PRKN: variants seen among roughly 807,000 people sequenced by gnomAD.
PRKN encodes the protein parkin RBR E3 ubiquitin protein ligase, also known as E3 ubiquitin-protein ligase parkin.
PRKN carries 56 observed loss-of-function variants against 59.5 expected under a neutral mutation model. The ratio of observed to expected loss-of-function variants is 0.94; its 90% CI spans 0.76 to 1.18. PRKN has a LOEUF of 1.18. Among genes scored for constraint, PRKN ranks in the 50% most tolerant of loss-of-function variants. The pLI is 0.00. For missense variants in PRKN, 657 were observed against 596.4 expected (o/e 1.10, Z -1.06); for synonymous variants, 250 against 222.1 (o/e 1.13, Z -1.12).
intron 3 of PRKN, among the ~76,000 whole-genome samples, chr6:162,256,637 T>A (rs1384125655): frequency 1.3e-5 from 2 of 151,946 alleles, no homozygotes; most frequent in African/African-American, 2.4e-5. Flanking sequence ...ATATGGGCAG[T>A]GTCCTCTGAA....
At chr6:162,388,085 G>A (rs555765512) in intron 2 of PRKN, among the ~76,000 whole-genome samples, 32 of 152,272 alleles carry the variant, frequency 2.1e-4, no homozygotes, top group Admixed American at 1.8e-3. Context: ...TGACTGGGGT[G>A]TTATTTTAGG....
chr6:162,418,073 T>C (rs1275768601), intron 2 of PRKN, among the ~76,000 whole-genome samples: 1 of 152,160 alleles, frequency 6.6e-6, no homozygotes, highest in Non-Finnish European at 1.5e-5. Context: ...CATGGTAGCA[T>C]CATTCACGAT....
chr6:161,590,831 G>C (rs892187113), intron 7 of PRKN, among the ~76,000 whole-genome samples: 1 of 151,970 alleles, frequency 6.6e-6, no homozygotes, highest in Non-Finnish European at 1.5e-5. Flanking sequence ...ACTGTCCTGC[G>C]CTCATAAAAA....
chr6:162,512,479 T>C, intron 1 of PRKN, among the ~76,000 whole-genome samples: 1 of 152,230 alleles, frequency 6.6e-6, no homozygotes, highest in East Asian at 1.9e-4. Flanking sequence ...CAAGGGAGAA[T>C]TCCCCTTATA....
In PRKN at chr6:161,588,112, G is replaced by A. The variant is rs1414158289; in HGVS notation, c.872-18696C>T. ...AAATTTACTCTATGGGGGGCTGGGC[G>A]CGGTGGCTCATGCCTGTAATCCCAG... On this transcript the variant is annotated intron_variant, in intron 7 of 11. Transcript: ENST00000366898. The surrounding 1 kb of genome is among the most constrained non-coding windows in gnomAD (Gnocchi z 5.0). 4.6e-5 allele frequency among the ~76,000 whole-genome samples: 7 copies of A among 152,006 alleles called. No homozygotes were observed. The highest frequency in any genetic ancestry group is 2.1e-4 in the South Asian group (1 of 4,814).
chr6:161,524,316 T>A (rs1268317447), intron 9 of PRKN, among the ~76,000 whole-genome samples: 2 of 152,190 alleles, frequency 1.3e-5, no homozygotes, highest in Non-Finnish European at 2.9e-5. Flanking sequence ...GTTTTGTGTA[T>A]CTATAGGAAG....
intron 6 of PRKN, among the ~76,000 whole-genome samples, chr6:161,793,931 G>A (rs1252356032): frequency 6.6e-6 from 1 of 152,002 alleles, no homozygotes; most frequent in East Asian, 1.9e-4. Flanking sequence ...ATCCCATCTG[G>A]GGTATTCAAT....
chr6:161,567,022 G>GTTTTTTTT (rs71917520), intron 8 of PRKN, among the ~76,000 whole-genome samples: 1 of 87,108 alleles, frequency 1.1e-5, no homozygotes, highest in African/African-American at 5.0e-5. Flanking sequence ...CACTGTCCTT[G>GTTTTTTTT]TTTTTTTTTT....
intron 6 of PRKN, among the ~76,000 whole-genome samples, chr6:161,912,327 C>T (rs912583455): frequency 9.9e-5 from 15 of 152,026 alleles, no homozygotes; most frequent in African/African-American, 1.7e-4. Flanking sequence ...TCTATGGCAA[C>T]GTAACAAAAG....
chr6:161,884,368 C>T (rs1795054419), intron 6 of PRKN, among the ~76,000 whole-genome samples: 1 of 152,110 alleles, frequency 6.6e-6, no homozygotes, highest in South Asian at 2.1e-4. Flanking sequence ...CACAGCAGAC[C>T]ACTGCTATGA....
At chr6:161,521,324 C>G (rs1370479417) in intron 9 of PRKN, among the ~76,000 whole-genome samples, 1 of 152,158 alleles carries the variant, frequency 6.6e-6, no homozygotes, top group East Asian at 1.9e-4. Flanking sequence ...GAATTTGTTG[C>G]TCATCCATTG....
intron 9 of PRKN, among the ~76,000 whole-genome samples, chr6:161,493,576 C>A (rs16892626): frequency 0.059 from 8,937 of 152,190 alleles, 311 homozygotes; most frequent in African/African-American, 0.087. Flanking sequence ...GGGGTTGCAG[C>A]ACAGAGTCGC....
rs1237877039 is a variant in PRKN, at chr6:161,484,285, G to A, written c.1083+64569C>T. ...GGCCATTTTCTGAACTCCTATAACT[G>A]GCTTTTGAACCAAAGTCCTCTTGGA... On this transcript the variant is annotated intron_variant, in intron 9 of 11. Coordinates refer to ENST00000366898, the MANE Select transcript of PRKN (RefSeq NM_004562.3). The surrounding 1 kb of genome is among the most constrained non-coding windows in gnomAD (Gnocchi z 4.9). Among the ~76,000 whole-genome samples, 2 of 152,068 alleles carry A rather than the reference G, an allele frequency of 1.3e-5. No homozygotes were observed. Among genetic ancestry groups the A allele is most frequent in the African/African-American group, 2.4e-5 (1 of 41,384 alleles).
intron 7 of PRKN, among the ~76,000 whole-genome samples, chr6:161,766,604 C>A (rs186145203): frequency 6.6e-6 from 1 of 152,194 alleles, no homozygotes; most frequent in African/African-American, 2.4e-5. Flanking sequence ...GACAACCCCT[C>A]CCCACGGTTC....
chr6:161,902,109 G>C (rs1777939203), intron 6 of PRKN, among the ~76,000 whole-genome samples: 1 of 152,152 alleles, frequency 6.6e-6, no homozygotes, highest in African/African-American at 2.4e-5. Flanking sequence ...CCTTTGACTT[G>C]AGAAAAATAG....
At chr6:161,870,582 A>C (rs1794302696) in intron 6 of PRKN, among the ~76,000 whole-genome samples, 1 of 152,208 alleles carries the variant, frequency 6.6e-6, no homozygotes, top group Admixed American at 6.5e-5. Context: ...CTACTAAAAA[A>C]AATTTTTAAT....
chr6:162,154,052 G>C (rs1007945755), intron 4 of PRKN, among the ~76,000 whole-genome samples: 17 of 152,138 alleles, frequency 1.1e-4, no homozygotes, highest in Non-Finnish European at 2.1e-4. Context: ...GACCTGCCTT[G>C]TCTGCCAAGA....
chr6:161,498,247 T>C lies in PRKN; in HGVS notation c.1083+50607A>G, dbSNP rs1266975968. Among the ~76,000 whole-genome samples, 1 of 152,240 alleles carries C rather than the reference T, an allele frequency of 6.6e-6. No homozygotes were observed. Among genetic ancestry groups the C allele is most frequent in the Non-Finnish European group, 1.5e-5 (1 of 68,050 alleles). ...CAGGCTGCAAATCAGTATCATGTTA[T>C]AGAGTGTATTAATTAATAAATGGAA... On this transcript the variant is annotated intron_variant, in intron 9 of 11. Transcript: ENST00000366898. This position sits in a 1 kb window ranked among gnomAD's most constrained non-coding sequence, Gnocchi z 4.2.
At chr6:161,859,429 T>C (rs982944375) in intron 6 of PRKN, among the ~76,000 whole-genome samples, 2 of 151,330 alleles carry the variant, frequency 1.3e-5, no homozygotes, top group African/African-American at 4.9e-5. Flanking sequence ...ATGCTGAAAC[T>C]CCATCTCTAC....
Sources: gnomAD v4.1 joint callset for allele counts (sites outside exome capture counted in the v4.1 genomes callset) on GRCh38, gnomAD v4.1.1 for gene constraint, Gnocchi (gnomAD v3.1) non-coding constraint, MANE v1.5 for transcripts, NCBI Gene and HGNC (gene_info 2026-07-23, HGNC 2026-07-21) for gene names.